Variants in IRAG2 observed in about 807,000 individuals in gnomAD.
IRAG2 encodes lymphoid restricted membrane protein.
In IRAG2, 45 loss-of-function variants were observed where a neutral mutation model predicts 69.9. That is an observed-to-expected ratio of 0.64 (90% confidence interval 0.51 to 0.83). The LOEUF is 0.83. Among genes scored for constraint, IRAG2 ranks in the 40% least tolerant of loss-of-function variants. IRAG2 has a pLI of 0.00. For synonymous variants in IRAG2, 193 were observed against 202.4 expected (o/e 0.95, Z 0.40); for missense variants, 520 against 587.0 (o/e 0.89, Z 1.18).
chr12:25,021,942 A>G (rs970683817), intron 7 of IRAG2, among the ~76,000 whole-genome samples: 1 of 152,216 alleles, frequency 6.6e-6, no homozygotes, highest in Non-Finnish European at 1.5e-5. Flanking sequence ...GAAAGACTCA[A>G]TCTGGGACCA....
chr12:25,015,668 T>G (rs1944521832), intron 5 of IRAG2, among the ~76,000 whole-genome samples: 1 of 152,222 alleles, frequency 6.6e-6, no homozygotes, highest in Admixed American at 6.5e-5. Context: ...CATGAAACCC[T>G]TCTCCCTCAT....
chr12:25,003,414 C>CT (rs1175960127), upstream of IRAG2, among the ~76,000 whole-genome samples: 1 of 152,026 alleles, frequency 6.6e-6, no homozygotes, highest in African/African-American at 2.4e-5. Context: ...GTGGTGACAC[C>CT]TTCATGGCTC....
At chr12:25,049,708 C>T (rs895757078), upstream of IRAG2, among the ~76,000 whole-genome samples, 2 of 152,166 alleles carry the variant, frequency 1.3e-5, no homozygotes, top group African/African-American at 2.4e-5. Context: ...AAAAGACGGC[C>T]GGATGCGGTG....
At chr12:25,000,645 A>T (rs546674455), upstream of IRAG2, among the ~76,000 whole-genome samples, 1 of 152,236 alleles carries the variant, frequency 6.6e-6, no homozygotes, top group Non-Finnish European at 1.5e-5. Context: ...AAATAATTTT[A>T]AAAACCATGG....
At chr12:25,101,975 C>T (rs1948776152) in intron 16 of IRAG2, 6 of 675,960 alleles carry the variant, frequency 8.9e-6, no homozygotes, top group Non-Finnish European at 1.6e-5. Flanking sequence ...GCTAGCTAGG[C>T]ATTATGGACA....
intron 20 of IRAG2, among the ~76,000 whole-genome samples, chr12:25,106,338 C>T (rs1215793937): frequency 1.1e-4 from 15 of 136,678 alleles, no homozygotes; most frequent in Non-Finnish European, 3.2e-5. Flanking sequence ...ATATATACAA[C>T]ATATACATAC....
At chr12:25,026,839 C>T (rs1944625825) in exon 9 of IRAG2, 2 of 1,229,552 alleles carry the variant, frequency 1.6e-6, no homozygotes, top group African/African-American at 1.6e-5. Flanking sequence ...AGATTGAAGA[C>T]TTGTCTAAAA....
chr12:25,097,273 T>C (rs1592088334), intron 15 of IRAG2: 3 of 421,340 alleles, frequency 7.1e-6, no homozygotes, highest in Middle Eastern at 6.4e-4. Flanking sequence ...TTTTGTGATA[T>C]ATTCTTCAAG....
Position 25,097,808 on chromosome 12 carries a change from C to T in IRAG2, c.741+764C>T, listed in dbSNP as rs181688349. Among the ~76,000 whole-genome samples the T allele has an allele frequency of 4.9e-3, 753 of 152,304 alleles. 1 individual carries two copies. Among genetic ancestry groups the T allele is most frequent in the Non-Finnish European group, 7.7e-3 (523 of 68,028 alleles). The stretch of plus-strand genomic sequence containing the variant: ...CATAGTTTTTTAAAAGGTCAATCAG[C>T]TCTATAAGCCTTACTAATTTCCCGT... On this transcript the variant is annotated intron_variant, in intron 15 of 21. Transcript: ENST00000556887.
intron 16 of IRAG2, among the ~76,000 whole-genome samples, chr12:25,038,640 C>CAAA (rs376380706): frequency 8.6e-5 from 9 of 105,198 alleles, no homozygotes; most frequent in African/African-American, 2.0e-4. Context: ...GACTCCATTT[C>CAAA]AAAAAAAAAA....
intron 6 of IRAG2, among the ~76,000 whole-genome samples, chr12:25,073,195 AT>A (rs1469026577): frequency 6.6e-6 from 1 of 152,092 alleles, no homozygotes; most frequent in Non-Finnish European, 1.5e-5. Flanking sequence ...TGTGCCCCAC[AT>A]TTCTTGTCAT....
chr12:25,072,434 G>A (rs889378386), intron 6 of IRAG2, among the ~76,000 whole-genome samples: 1 of 151,954 alleles, frequency 6.6e-6, no homozygotes, highest in Admixed American at 6.6e-5. Context: ...CAACAGCCTG[G>A]TAACTGTACT....
upstream of IRAG2, among the ~76,000 whole-genome samples, chr12:25,002,800 C>T (rs1447119926): frequency 6.6e-6 from 1 of 152,082 alleles, no homozygotes; most frequent in African/African-American, 2.4e-5. Context: ...TGCCACCATG[C>T]CCAGCTAATT....
chr12:25,094,780 ATC>A (rs1948313799), intron 14 of IRAG2, among the ~76,000 whole-genome samples: 1 of 151,960 alleles, frequency 6.6e-6, no homozygotes, highest in African/African-American at 2.4e-5. Flanking sequence ...TTCGGTGTAC[ATC>A]TCTTTTATCT....
chr12:25,020,731 G>T, intron 6 of IRAG2: 1 of 793,024 alleles, frequency 1.3e-6, no homozygotes, highest in Non-Finnish European at 1.7e-6. Context: ...GCTGTTCTTA[G>T]TGTCTTTGAC....
chr12:25,096,736 A>C (rs1948443315), intron 14 of IRAG2, 174 bp from the exon 15 acceptor site: 1 of 487,982 alleles, frequency 2.0e-6, no homozygotes, highest in Admixed American at 3.6e-5. Flanking sequence ...CCCAGTACCC[A>C]AAAAAGATAA....
At chr12:25,095,196 C>T (rs955332662) in intron 14 of IRAG2, among the ~76,000 whole-genome samples, 1 of 152,050 alleles carries the variant, frequency 6.6e-6, no homozygotes, top group Non-Finnish European at 1.5e-5. Context: ...TGAGTATAAT[C>T]GTAGTAGGGT....
intron 6 of IRAG2, among the ~76,000 whole-genome samples, chr12:25,070,761 T>G (rs1454055440): frequency 6.6e-6 from 1 of 152,226 alleles, no homozygotes; most frequent in African/African-American, 2.4e-5. Flanking sequence ...CCAACAGCAA[T>G]GTATGAAGAT....
chr12:25,098,100 T>G (rs565895818), intron 15 of IRAG2, among the ~76,000 whole-genome samples: 61 of 152,306 alleles, frequency 4.0e-4, no homozygotes, highest in Non-Finnish European at 7.8e-4. Flanking sequence ...TTCACTACCT[T>G]GCATGTCCCC....
Sources: gnomAD v4.1 joint callset for allele counts (sites outside exome capture counted in the v4.1 genomes callset) on GRCh38, gnomAD v4.1.1 for gene constraint, MANE v1.5 for transcripts, NCBI Gene and HGNC (gene_info 2026-07-23, HGNC 2026-07-21) for gene names.